ZYG11B: variants seen among roughly 807,000 people sequenced by gnomAD.
ZYG11B encodes the protein zyg-11 family member B, cell cycle regulator.
Under a neutral mutation model 82.4 loss-of-function variants are expected in ZYG11B, and 36 were observed. The observed-to-expected ratio is 0.44, with a 90% CI of 0.33 to 0.58. The LOEUF (loss-of-function observed/expected upper bound fraction) is 0.58. Ranked by LOEUF, ZYG11B falls within the 20% of genes least tolerant of loss-of-function variation. ZYG11B has a pLI of 0.02. For synonymous variants in ZYG11B, 303 were observed against 312.8 expected (o/e 0.97, Z 0.33); for missense variants, 552 against 895.6 (o/e 0.62, Z 4.90).
intron 4 of ZYG11B, among the ~76,000 whole-genome samples, chr1:52,780,283 A>G (rs1644844528): frequency 6.6e-6 from 1 of 152,204 alleles, no homozygotes; most frequent in South Asian, 2.1e-4. Context: ...GTAGAAAATG[A>G]AAGTATATGA....
chr1:52,815,433 CA>C (rs1477165872), intron 12 of ZYG11B, among the ~76,000 whole-genome samples: 3 of 152,004 alleles, frequency 2.0e-5, no homozygotes, highest in Non-Finnish European at 4.4e-5. Context: ...TCAGCCTGAG[CA>C]ACATAGTGAG....
In ZYG11B at chr1:52,803,219, T is replaced by C. The variant is rs1558140480; in HGVS notation, c.1695+1080T>C. On this transcript the variant is annotated intron_variant, in intron 10 of 13. Coordinates refer to ENST00000294353, the MANE Select transcript of ZYG11B (RefSeq NM_024646.3). Reference sequence around the variant, plus strand: ...ATATATATATACACACACATATATATATATACACACATATATATATACACA... The same window carrying C: ...ATATATATATACACACACATATATACATATACACACATATATATATACACA... Among the ~76,000 whole-genome samples the C allele has an allele frequency of 3.5e-5, 3 of 85,200 alleles. 1 individual carries two copies. The highest frequency in any genetic ancestry group is 2.8e-4 in the African/African-American group (3 of 10,900). 55.9% of individuals were successfully genotyped at this position (85,200 alleles called of 152,430 possible).
intron 1 of ZYG11B, among the ~76,000 whole-genome samples, chr1:52,751,353 AGCG>A (rs1231720442): frequency 2.1e-5 from 3 of 142,324 alleles, no homozygotes; most frequent in South Asian, 2.4e-4. Context: ...AAAAATAGCC[AGCG>A]CGGTGGCTCA....
intron 4 of ZYG11B, among the ~76,000 whole-genome samples, chr1:52,784,640 A>C (rs1644897940): frequency 6.6e-6 from 1 of 152,196 alleles, no homozygotes; most frequent in African/African-American, 2.4e-5. Context: ...ACCTGTGTGA[A>C]AAAGATTCAT....
intron 8 of ZYG11B, among the ~76,000 whole-genome samples, chr1:52,797,573 A>G (rs1202371392): frequency 7.6e-6 from 1 of 132,260 alleles, no homozygotes; most frequent in African/African-American, 2.8e-5. Context: ...CAGTGGTACG[A>G]TCTCGGCTCA....
At chr1:52,774,913 G>T (rs991673030) in intron 3 of ZYG11B, among the ~76,000 whole-genome samples, 1 of 151,978 alleles carries the variant, frequency 6.6e-6, no homozygotes, top group Non-Finnish European at 1.5e-5. Context: ...TATCTACCAT[G>T]CTGTAGCTCC....
intron 1 of ZYG11B, among the ~76,000 whole-genome samples, chr1:52,727,492 G>A (rs920949800): frequency 1.3e-5 from 2 of 151,830 alleles, no homozygotes; most frequent in African/African-American, 2.4e-5. Context: ...GCTAAAAAAT[G>A]TTTTGAATTT....
At chr1:52,803,205 CACACACATAT>C (rs1645104255) in intron 10 of ZYG11B, among the ~76,000 whole-genome samples, 2 of 45,606 alleles carry the variant, frequency 4.4e-5, no homozygotes, top group East Asian at 1.2e-3. Flanking sequence ...TATATATATA[CACACACATAT>C]ATATATATAC....
chr1:52,767,307 T>TGTTATGTTATATTAC (rs76916404), intron 2 of ZYG11B, among the ~76,000 whole-genome samples: 148,571 of 150,478 alleles, frequency 0.99, 73,360 homozygotes, highest in Middle Eastern at 1. Context: ...TTTTATTTTA[T>TGTTATGTTATATTAC]GTTATGTTAT....
At chr1:52,769,919 A>G (rs1644731848) in intron 2 of ZYG11B, among the ~76,000 whole-genome samples, 1 of 151,784 alleles carries the variant, frequency 6.6e-6, no homozygotes, top group Admixed American at 6.6e-5. Context: ...TTTAGTTGAT[A>G]TGTGATATGT....
intron 1 of ZYG11B, 55 bp downstream of exon 1, chr1:52,726,738 C>A: frequency 1.4e-6 from 2 of 1,430,414 alleles, no homozygotes; most frequent in Non-Finnish European, 1.8e-6. Flanking sequence ...AGCCCCCGCC[C>A]GTCGCGCTGG....
rs1644754790 is a variant in ZYG11B, at chr1:52,771,878, A to G, written c.951+104A>G. The G allele has an allele frequency of 8.1e-6, 11 of 1,357,372 alleles. No individual in the cohort carries two copies. The highest frequency in any genetic ancestry group is 1.5e-5 in the African/African-American group (1 of 68,476). 84.1% of individuals were successfully genotyped at this position (1,357,372 alleles called of 1,614,324 possible). The stretch of plus-strand genomic sequence containing the variant: ...TGTAATATATGGAACATGTTCATGA[A>G]ACAGGGCTGCATATAGTTGAAAGGC... On this transcript the variant is annotated intron_variant, in intron 3 of 13. Coordinates refer to ENST00000294353, the MANE Select transcript of ZYG11B (RefSeq NM_024646.3). The surrounding 1 kb of genome is among the most constrained non-coding windows in gnomAD (Gnocchi z 5.4).
chr1:52,776,229 A>AAAAAAAAAAAAAAATAT, intron 3 of ZYG11B, among the ~76,000 whole-genome samples: 1 of 23,536 alleles, frequency 4.2e-5, no homozygotes, highest in Non-Finnish European at 1.2e-4. Context: ...TAAAAAAAAA[A>AAAAAAAAAAAAAAATAT]ATATATATAT....
chr1:52,754,283 CCAA>C, intron 1 of ZYG11B: 1 of 152,356 alleles, frequency 6.6e-6, no homozygotes, highest in Non-Finnish European at 1.5e-5. Context: ...CCTTGGCCTC[CCAA>C]AGTGTTGGGA....
intron 1 of ZYG11B, among the ~76,000 whole-genome samples, chr1:52,752,532 A>T (rs76381409): frequency 6.6e-6 from 1 of 152,148 alleles, no homozygotes; most frequent in African/African-American, 2.4e-5. Context: ...AGTTAATGGC[A>T]AGTGAAGTGC....
chr1:52,793,040 A>G (rs1029244469), intron 6 of ZYG11B, among the ~76,000 whole-genome samples: 1 of 147,784 alleles, frequency 6.8e-6, no homozygotes, highest in Non-Finnish European at 1.5e-5. Context: ...GGGTTTCACC[A>G]TGTTGGCCAG....
At chr1:52,775,198 A>G (rs1383980798) in intron 3 of ZYG11B, among the ~76,000 whole-genome samples, 6 of 151,854 alleles carry the variant, frequency 4.0e-5, no homozygotes, top group African/African-American at 7.3e-5. Context: ...CCTTAAATCT[A>G]TATGCTGATG....
intron 2 of ZYG11B, among the ~76,000 whole-genome samples, chr1:52,763,203 A>G (rs1018420858): frequency 2.0e-5 from 3 of 152,034 alleles, no homozygotes; most frequent in Non-Finnish European, 4.4e-5. Flanking sequence ...CTATAGCTTT[A>G]TAGTATATTT....
At chr1:52,797,339 A>G (rs1264418836) in intron 8 of ZYG11B, among the ~76,000 whole-genome samples, 148 of 67,134 alleles carry the variant, frequency 2.2e-3, no homozygotes, top group Non-Finnish European at 2.8e-3. Context: ...TTATATATTT[A>G]TAATTATATA....
Sources: allele counts gnomAD v4.1 joint callset (sites outside exome capture counted in the v4.1 genomes callset), GRCh38; gene constraint gnomAD v4.1.1; non-coding constraint Gnocchi (gnomAD v3.1); transcripts MANE v1.5; gene names NCBI Gene and HGNC (gene_info 2026-07-23, HGNC 2026-07-21).